RNF150: variants seen among roughly 807,000 people sequenced by gnomAD.
RNF150 encodes ring finger protein 150.
Under a neutral mutation model 39.3 loss-of-function variants are expected in RNF150, and 24 were observed. That is an observed-to-expected ratio of 0.61 (90% CI 0.44 to 0.86). RNF150 has a LOEUF of 0.86. Ranked by LOEUF, RNF150 falls within the 40% of genes least tolerant of loss-of-function variation. RNF150 has a pLI of 0.00. For synonymous variants in RNF150, 255 were observed against 227.3 expected, an observed-to-expected ratio of 1.12 and a Z score of -1.10; for missense variants, 502 against 587.8, an observed-to-expected ratio of 0.85 and a Z score of 1.51.
At chr4:141,045,901 C>A (rs186171975) in intron 1 of RNF150, among the ~76,000 whole-genome samples, 1 of 152,050 alleles carries the variant, frequency 6.6e-6, no homozygotes, top group African/African-American at 2.4e-5. Flanking sequence ...TCCCAATAAA[C>A]GGATCTTCTT....
intron 4 of RNF150, among the ~76,000 whole-genome samples, chr4:140,928,153 C>T (rs1037410832): frequency 5.3e-5 from 8 of 149,880 alleles, no homozygotes; most frequent in East Asian, 1.9e-4. Flanking sequence ...TGGCTCCTTC[C>T]GTCAGGAAGC....
chr4:141,107,570 A>T (rs1442471103), intron 1 of RNF150, among the ~76,000 whole-genome samples: 3 of 152,204 alleles, frequency 2.0e-5, no homozygotes, highest in African/African-American at 7.2e-5. Flanking sequence ...AAAATGAATT[A>T]CTGATAGATG....
Position 140,865,273 on chromosome 4 carries a change from A to T in RNF150, c.*2988T>A, listed in dbSNP as rs559337322. ...TTTACCTGTTTCTTTTTACACTTTA[A>T]AATGTGGCTAGTAGAAAATTTAAAA... On this transcript the variant is annotated 3_prime_UTR_variant, in exon 7 of 7. Coordinates refer to ENST00000515673, the MANE Select transcript of RNF150 (RefSeq NM_020724.2). 1.3e-5 allele frequency: 2 copies of T among 152,354 alleles called. No individual in the cohort carries two copies. The highest frequency in any genetic ancestry group is 3.9e-4 in the East Asian group (2 of 5,188). The allele number at this position is 152,354 out of a possible 1,614,324, so 9.4% of individuals were successfully genotyped here. A position where few individuals can be genotyped will look rare whatever the true frequency, so the allele number is the denominator to read the frequency against.
intron 6 of RNF150, among the ~76,000 whole-genome samples, chr4:140,892,130 G>A (rs981620812): frequency 2.0e-5 from 3 of 151,938 alleles, no homozygotes; most frequent in African/African-American, 7.3e-5. Context: ...AGATTTTATT[G>A]GTACTATTTT....
intron 1 of RNF150, among the ~76,000 whole-genome samples, chr4:141,042,689 A>G (rs151178253): frequency 1.9e-3 from 283 of 152,260 alleles, no homozygotes; most frequent in African/African-American, 6.5e-3. Context: ...ATCAATTTCT[A>G]TTGAAGGGGT....
chr4:141,140,798 G>A (rs1437109875), intron 1 of RNF150, among the ~76,000 whole-genome samples: 1 of 152,106 alleles, frequency 6.6e-6, no homozygotes, highest in Non-Finnish European at 1.5e-5. Context: ...CTTTCTATTT[G>A]GTTGTTTAGA....
rs1425632675 is a variant in RNF150, at chr4:140,909,084, G to A, written c.1198+2060C>T. Among the ~76,000 whole-genome samples, 3 of 152,126 alleles carry A rather than the reference G, an allele frequency of 2.0e-5. No individual in the cohort carries two copies. The East Asian group carries it at 5.8e-4, about 29-fold the overall frequency. Reference sequence around the variant, plus strand: ...CGTATGTGTGACAGTAATCAAAGATGTCCAATAAATGGAAAAATTCTGAGA... The same window carrying A: ...CGTATGTGTGACAGTAATCAAAGATATCCAATAAATGGAAAAATTCTGAGA... On this transcript the variant is annotated intron_variant, in intron 6 of 6. Coordinates refer to ENST00000515673, the MANE Select transcript of RNF150 (RefSeq NM_020724.2).
chr4:141,064,104 C>G (rs1285097100), intron 1 of RNF150, among the ~76,000 whole-genome samples: 1 of 151,466 alleles, frequency 6.6e-6, no homozygotes, highest in Non-Finnish European at 1.5e-5. Context: ...TTCCTTTTTA[C>G]TTTAAAAGTT....
At position 140,904,208 on chromosome 4, in the gene RNF150, C is replaced by G. The variant is rs79015525; in HGVS notation, c.1198+6936G>C. Among the ~76,000 whole-genome samples the G allele has an allele frequency of 5.9e-5, 9 of 152,096 alleles. No individual in the cohort carries two copies. In the East Asian group the frequency reaches 7.7e-4, roughly 13 times the overall value. ...GTGATGTTGCTCTAGGGACCTGGCA[C>G]GTTAAGAGTCACGGAAATGATTGTC... On this transcript the variant is annotated intron_variant, in intron 6 of 6. Coordinates refer to ENST00000515673, the MANE Select transcript of RNF150 (RefSeq NM_020724.2).
chr4:141,052,265 A>C (rs1736804650), intron 1 of RNF150, among the ~76,000 whole-genome samples: 1 of 152,198 alleles, frequency 6.6e-6, no homozygotes, highest in Non-Finnish European at 1.5e-5. Context: ...TTCTTGAACT[A>C]TTTGGAATTT....
Position 141,085,235 on chromosome 4 carries a change from T to A in RNF150, c.484+47090A>T, listed in dbSNP as rs112094163. Reference sequence around the variant, plus strand: ...CCCTTTATAAAGCCATGAGATCTGGTGAGACTTACTCACTCTCATGAGAAC... The same window carrying A: ...CCCTTTATAAAGCCATGAGATCTGGAGAGACTTACTCACTCTCATGAGAAC... On this transcript the variant is annotated intron_variant, in intron 1 of 6. Coordinates refer to ENST00000515673, the MANE Select transcript of RNF150 (RefSeq NM_020724.2). Among the ~76,000 whole-genome samples the A allele has an allele frequency of 3.6e-3, 547 of 152,274 alleles. 2 individuals carry two copies. Among genetic ancestry groups the A allele is most frequent in the African/African-American group, 0.012 (498 of 41,550 alleles).
chr4:141,100,285 C>T (rs1267197115), intron 1 of RNF150, among the ~76,000 whole-genome samples: 3 of 152,138 alleles, frequency 2.0e-5, no homozygotes, highest in Non-Finnish European at 2.9e-5. Flanking sequence ...AAAGCAGTAA[C>T]TTCCAGGAAG....
chr4:141,075,523 A>G (rs1041681328), intron 1 of RNF150, among the ~76,000 whole-genome samples: 2 of 152,264 alleles, frequency 1.3e-5, no homozygotes, highest in African/African-American at 4.8e-5. Flanking sequence ...AAAATTCAGA[A>G]TATTGCTATA....
chr4:141,203,109 C>T (rs1265888520), intron 1 of RNF150, among the ~76,000 whole-genome samples: 10 of 133,168 alleles, frequency 7.5e-5, no homozygotes, highest in East Asian at 4.4e-4. Context: ...ATCTTGGAGA[C>T]GATATATATA....
chr4:141,148,401 T>G (rs1260998702), intron 1 of RNF150, among the ~76,000 whole-genome samples: 2 of 152,188 alleles, frequency 1.3e-5, no homozygotes, highest in East Asian at 1.9e-4. Context: ...TTTATTTCTG[T>G]CAGTAACTGC....
chr4:141,049,862 G>T (rs72724428), intron 1 of RNF150, among the ~76,000 whole-genome samples: 88 of 152,154 alleles, frequency 5.8e-4, no homozygotes, highest in Admixed American at 1.9e-3. Flanking sequence ...TAACTGAATA[G>T]CATGCCACCA....
intron 4 of RNF150, among the ~76,000 whole-genome samples, chr4:140,928,154 G>C (rs7683060): frequency 0.59 from 88,357 of 150,924 alleles, 26,475 homozygotes; most frequent in East Asian, 0.89. Flanking sequence ...GGCTCCTTCC[G>C]TCAGGAAGCA....
chr4:140,982,103 T>C (rs76965113), intron 1 of RNF150, among the ~76,000 whole-genome samples: 2 of 152,314 alleles, frequency 1.3e-5, no homozygotes, highest in Non-Finnish European at 2.9e-5. Context: ...TATTTCATCA[T>C]TGGTCAACGA....
At chr4:141,147,079 C>A (rs538000329) in intron 1 of RNF150, among the ~76,000 whole-genome samples, 19 of 152,234 alleles carry the variant, frequency 1.2e-4, no homozygotes, top group East Asian at 7.7e-4. Context: ...CTCAGCATCC[C>A]GAGTAGCTGG....
Sources: gnomAD v4.1 joint callset for allele counts (sites outside exome capture counted in the v4.1 genomes callset) on GRCh38, gnomAD v4.1.1 for gene constraint, MANE v1.5 for transcripts, NCBI Gene and HGNC (gene_info 2026-07-23, HGNC 2026-07-21) for gene names.